The following SFI1 variants were observed in gnomAD, a reference collection of about 807,000 sequenced individuals.
SFI1 encodes protein SFI1 homolog.
Under a neutral mutation model 207.5 loss-of-function variants are expected in SFI1, and 195 were observed. The observed-to-expected ratio is 0.94, with a 90% CI of 0.84 to 1.06. SFI1 has a LOEUF of 1.06. Ranked by LOEUF, SFI1 falls within the 50% of genes least tolerant of loss-of-function variation. The pLI is 0.00. For synonymous variants in SFI1, 630 were observed against 598.9 expected (o/e 1.05, Z -0.76); for missense variants, 1,634 against 1,588.0 (o/e 1.03, Z -0.49).
chr22:31,553,565 G>T (rs2148067834), intron 6 of SFI1, among the ~76,000 whole-genome samples: 1 of 140,422 alleles, frequency 7.1e-6, no homozygotes, highest in South Asian at 2.2e-4. Context: ...TAGAGACAGG[G>T]TTTCACCATG....
intron 15 of SFI1, among the ~76,000 whole-genome samples, chr22:31,599,475 C>T (rs1022996540): frequency 5.3e-5 from 8 of 151,776 alleles, no homozygotes; most frequent in East Asian, 3.9e-4. Flanking sequence ...TATAGGCACA[C>T]GCCACCACGC....
chr22:31,545,372 A>C (rs1252174949), intron 4 of SFI1, among the ~76,000 whole-genome samples: 1 of 151,860 alleles, frequency 6.6e-6, no homozygotes, highest in Non-Finnish European at 1.5e-5. Flanking sequence ...TCTCAAAAAA[A>C]AAAGAAAAAA....
chr22:31,614,973 C>A, intron 28 of SFI1, 75 bp from the exon 29 acceptor site: 1 of 1,574,642 alleles, frequency 6.4e-7, no homozygotes, highest in South Asian at 1.1e-5. Context: ...GTGGGTGGCC[C>A]CCTTTCCTTC....
chr22:31,613,046 G>A, intron 24 of SFI1, 96 bp from the exon 25 acceptor site: 4 of 1,354,488 alleles, frequency 3.0e-6, no homozygotes, highest in Non-Finnish European at 4.0e-6. Context: ...CTCGACTAGA[G>A]AGGGAGCCAA....
intron 8 of SFI1, among the ~76,000 whole-genome samples, chr22:31,565,986 C>T (rs1307519359): frequency 6.6e-6 from 1 of 150,766 alleles, no homozygotes; most frequent in Non-Finnish European, 1.5e-5. Flanking sequence ...TGTGGATAGA[C>T]AGAGATCTAT....
At chr22:31,556,853 A>T (rs1602648419) in intron 6 of SFI1, 89 bp from the exon 7 acceptor site, 1 of 830,676 alleles carries the variant, frequency 1.2e-6, no homozygotes, top group East Asian at 2.6e-5. Flanking sequence ...GGATTTAGGT[A>T]TTCAAAGGAG....
rs2072238367 is a variant in SFI1 at position 31,618,521 on chromosome 22, G to A, written c.*103G>A. Reference sequence around the variant, plus strand: ...AGTTTGATTTTTTTTATTTCAAAATGCTTTGCAATTAAATGAATTACTGTT... The same window carrying A: ...AGTTTGATTTTTTTTATTTCAAAATACTTTGCAATTAAATGAATTACTGTT... On this transcript the variant is annotated 3_prime_UTR_variant, in exon 33 of 33. Coordinates refer to ENST00000400288, the MANE Select transcript of SFI1 (RefSeq NM_001007467.3). 2 of 1,171,236 alleles carry A rather than the reference G, an allele frequency of 1.7e-6. No homozygotes were observed. Among genetic ancestry groups the A allele is most frequent in the African/African-American group, 1.6e-5 (1 of 64,312 alleles). The allele number at this position is 1,171,236 out of a possible 1,614,324, so 72.6% of individuals were successfully genotyped here.
intron 21 of SFI1, chr22:31,606,681 TTTTC>T (rs1486883784): frequency 7.0e-6 from 2 of 286,548 alleles, no homozygotes; most frequent in African/African-American, 4.9e-5. Context: ...AGAACCAGTA[TTTTC>T]TTTTTTTCTT....
chr22:31,607,328 C>T (rs566848377), intron 21 of SFI1, among the ~76,000 whole-genome samples: 12 of 152,206 alleles, frequency 7.9e-5, no homozygotes, highest in Middle Eastern at 3.4e-3. Flanking sequence ...AGAGGCCGGG[C>T]GCAGTGGCTC....
rs566165694 is a variant in SFI1 at position 31,617,789 on chromosome 22, C to G, written c.3513-326C>G. Among the ~76,000 whole-genome samples the G allele has an allele frequency of 9.2e-5, 14 of 151,766 alleles. No individual in the cohort carries two copies. In the South Asian group the frequency reaches 1.9e-3, roughly 20 times the overall value. ...TGCACTCAGTGGTCTGGGGACCATT[C>G]AACATGCAGCAACCTCAGAGCTTCC... On this transcript the variant is annotated intron_variant, in intron 31 of 32. Transcript: ENST00000400288.
Position 31,602,636 on chromosome 22 carries a change from G to A in SFI1, c.1656G>A (p.Leu552=). Residue 552 remains leucine (L), a synonymous_variant, in exon 17 of 33, where the codon CTG becomes CTA. Coordinates refer to ENST00000400288, the MANE Select transcript of SFI1 (RefSeq NM_001007467.3). Reference sequence around the variant, plus strand: ...TCCTTCACGCAGAGCGACAGCTTCTGTATAGGTCTTGGTTCATGTGGCACC... The same window carrying A: ...TCCTTCACGCAGAGCGACAGCTTCTATATAGGTCTTGGTTCATGTGGCACC... ...MAILHAERQL[L]YRSWFMWHQQ... The A allele has an allele frequency of 1.2e-6, 2 of 1,614,202 alleles. No homozygotes were observed. The highest frequency in any genetic ancestry group is 2.2e-5 in the East Asian group (1 of 44,884).
chr22:31,549,892 G>A (rs1196514507), intron 5 of SFI1, among the ~76,000 whole-genome samples: 1 of 151,348 alleles, frequency 6.6e-6, no homozygotes, highest in South Asian at 2.1e-4. Context: ...AACAGACTTG[G>A]TGTGTTGGGT....
chr22:31,571,343 C>A (rs995348360), intron 8 of SFI1, among the ~76,000 whole-genome samples: 8 of 152,078 alleles, frequency 5.3e-5, no homozygotes, highest in African/African-American at 1.9e-4. Flanking sequence ...GACAGGGTCT[C>A]ACTCTGTTGC....
chr22:31,508,066 A>T (rs369876449), intron 1 of SFI1, among the ~76,000 whole-genome samples, 189 bp from the exon 2 acceptor site: 1 of 151,960 alleles, frequency 6.6e-6, no homozygotes, highest in East Asian at 1.9e-4. Context: ...AAAGAGCAAG[A>T]CTTCGTCTCA....
chr22:31,591,555 C>T (rs1358864534), intron 15 of SFI1, among the ~76,000 whole-genome samples: 4 of 144,314 alleles, frequency 2.8e-5, no homozygotes, highest in Middle Eastern at 3.6e-3. Context: ...CGGGCAGAGG[C>T]GCCCCTCACC....
chr22:31,511,117 A>G (rs551057896), intron 2 of SFI1, among the ~76,000 whole-genome samples: 1 of 152,310 alleles, frequency 6.6e-6, no homozygotes, highest in South Asian at 2.1e-4. Context: ...AGACCTATTC[A>G]GCAGGTATTA....
chr22:31,593,778 G>A (rs1034671670), intron 15 of SFI1, among the ~76,000 whole-genome samples: 5 of 150,690 alleles, frequency 3.3e-5, no homozygotes, highest in Non-Finnish European at 1.5e-5. Context: ...TGGATCACTC[G>A]CGGTTAGGGG....
At chr22:31,586,357 C>A (rs1415269774) in intron 14 of SFI1, among the ~76,000 whole-genome samples, 1 of 152,168 alleles carries the variant, frequency 6.6e-6, no homozygotes, top group Non-Finnish European at 1.5e-5. Flanking sequence ...TAGAGTACAG[C>A]CTGTCCCTTT....
chr22:31,515,458 C>T (rs1345956204), intron 2 of SFI1, among the ~76,000 whole-genome samples: 2 of 150,560 alleles, frequency 1.3e-5, no homozygotes, highest in African/African-American at 4.9e-5. Context: ...TGCAATCCTC[C>T]TTCCTCAGCC....
Sources: gnomAD v4.1 joint callset for allele counts (sites outside exome capture counted in the v4.1 genomes callset) on GRCh38, gnomAD v4.1.1 for gene constraint, MANE v1.5 for transcripts, NCBI Gene and HGNC (gene_info 2026-07-23, HGNC 2026-07-21) for gene names.